Variants in OSCP1 observed in about 807,000 individuals in gnomAD.
OSCP1 encodes protein OSCP1.
Under a neutral mutation model 45.1 loss-of-function variants are expected in OSCP1, and 35 were observed. The observed-to-expected ratio is 0.78, with a 90% CI of 0.59 to 1.03. The LOEUF (loss-of-function observed/expected upper bound fraction) is 1.03. OSCP1 is among the 50% of genes least tolerant of loss of function. The pLI, the probability that OSCP1 is intolerant of heterozygous loss-of-function variation, is 0.00. For synonymous variants in OSCP1, 179 were observed against 180.1 expected (o/e 0.99, Z 0.05); for missense variants, 400 against 470.7 (o/e 0.85, Z 1.39).
chr1:36,446,966 T>C (rs552912655), intron 1 of OSCP1, among the ~76,000 whole-genome samples: 80 of 152,352 alleles, frequency 5.3e-4, no homozygotes, highest in African/African-American at 1.9e-3. Context: ...TCCTTTCTGT[T>C]GAATGCTAAA....
chr1:36,429,601 T>A (rs1361864300), intron 4 of OSCP1, among the ~76,000 whole-genome samples: 1 of 138,942 alleles, frequency 7.2e-6, no homozygotes, highest in Admixed American at 7.8e-5. Context: ...GAATCATGGA[T>A]CCACCATGGC....
At chr1:36,418,759 A>G (rs1647425560) in intron 9 of OSCP1, among the ~76,000 whole-genome samples, 1 of 107,956 alleles carries the variant, frequency 9.3e-6, no homozygotes, top group Non-Finnish European at 2.2e-5. Flanking sequence ...TCTACTAAAA[A>G]TACAAAAAAA....
In OSCP1 at chr1:36,418,262, G is replaced by T; in HGVS notation, c.1024-7C>A. On this transcript the variant is annotated splice_polypyrimidine_tract_variant and splice_region_variant and intron_variant, in intron 9 of 9. Transcript: ENST00000235532. Reference sequence around the variant, plus strand: ...CCTCGCTCCGTTGCTGGTCCTATGAGGGAAATGAGAGGTAAAAGGGCATGA... The same window carrying T: ...CCTCGCTCCGTTGCTGGTCCTATGATGGAAATGAGAGGTAAAAGGGCATGA... 1 of 1,614,032 alleles carries T rather than the reference G, an allele frequency of 6.2e-7. No homozygotes were observed. Among genetic ancestry groups the T allele is most frequent in the Non-Finnish European group, 8.5e-7 (1 of 1,179,920 alleles).
intron 4 of OSCP1, among the ~76,000 whole-genome samples, chr1:36,426,774 C>T (rs531534405): frequency 1.3e-5 from 2 of 152,278 alleles, no homozygotes; most frequent in South Asian, 2.1e-4. Flanking sequence ...GGTGCGATCT[C>T]GGCTCACTGC....
chr1:36,445,652 T>C lies in OSCP1; in HGVS notation c.112+4606A>G, dbSNP rs954992697. Among the ~76,000 whole-genome samples the C allele has an allele frequency of 1.2e-4, 19 of 152,366 alleles. No homozygotes were observed. In the East Asian group the frequency reaches 1.3e-3, roughly 11 times the overall value. ...TATTGGGAAAGCAGCACCAAAAGTT[T>C]GGCAGATACTGTTTTCTTTGGCACA... is the stretch of plus-strand genomic sequence containing the variant. On this transcript the variant is annotated intron_variant, in intron 1 of 9. Coordinates refer to ENST00000235532, the MANE Select transcript of OSCP1 (RefSeq NM_145047.5).
At chr1:36,438,953 C>G in intron 1 of OSCP1, 43 bp from the exon 2 acceptor site, 6 of 1,593,358 alleles carry the variant, frequency 3.8e-6, no homozygotes, top group Middle Eastern at 3.3e-4. Context: ...AGTACTGAAG[C>G]AAGCCTATCC....
At chr1:36,429,263 T>C (rs1648183606) in intron 4 of OSCP1, among the ~76,000 whole-genome samples, 1 of 152,038 alleles carries the variant, frequency 6.6e-6, no homozygotes, top group South Asian at 2.1e-4. Flanking sequence ...GGCATGCTCC[T>C]GTAGTCCCAG....
In OSCP1 at chr1:36,418,124, G is replaced by T. The variant is rs774177746; in HGVS notation, c.*15C>A. 6 of 1,610,710 alleles carry T rather than the reference G, an allele frequency of 3.7e-6. No individual in the cohort carries two copies. Among genetic ancestry groups the T allele is most frequent in the Non-Finnish European group, 5.1e-6 (6 of 1,177,218 alleles). On this transcript the variant is annotated 3_prime_UTR_variant, in exon 10 of 10. Transcript: ENST00000235532. ...CAGCCTCTCCCTGGGGGCAGAGGAC[G>T]CCTGGTCAGAACAGCTATAACTCAT...
At chr1:36,423,335 A>C in intron 5 of OSCP1, 28 bp downstream of exon 5, 1 of 1,551,848 alleles carries the variant, frequency 6.4e-7, no homozygotes, top group Non-Finnish European at 8.9e-7. Flanking sequence ...CACCCCAAAC[A>C]TAGCTCTGAT....
In OSCP1 at chr1:36,443,998, G is replaced by T. The variant is rs751471217; in HGVS notation, c.113-5088C>A. 9 of 1,613,088 alleles carry T rather than the reference G, an allele frequency of 5.6e-6. No individual in the cohort carries two copies. In the East Asian group the frequency reaches 1.8e-4, roughly 32 times the overall value. On this transcript the variant is annotated intron_variant, in intron 1 of 9. Coordinates refer to ENST00000235532, the MANE Select transcript of OSCP1 (RefSeq NM_145047.5). ...ACTGAACACATGCAGCCCGGAGATA[G>T]CATACCTCGTTTTCTGTCCACCTCT...
chr1:36,423,972 G>T (rs1263077433), intron 4 of OSCP1, among the ~76,000 whole-genome samples: 1 of 151,516 alleles, frequency 6.6e-6, no homozygotes, highest in African/African-American at 2.4e-5. Flanking sequence ...TTGAGATAGG[G>T]ACTCACTTTG....
In OSCP1 at chr1:36,438,764, T is replaced by C. The variant is rs1470845360; in HGVS notation, c.259A>G (p.Met87Val). 8 of 1,610,202 alleles carry C rather than the reference T, an allele frequency of 5.0e-6. No homozygotes were observed. The East Asian group carries it at 8.9e-5, about 18-fold the overall frequency. ...ASIMKLNQAS[M>V]DKLYDLMTMA... ...GGCAGCTGTCTGCTCACCTTATCCATGCTGGCCTGGTTCAGTTTCATAATG... is the reference window on the plus strand; with the variant it reads ...GGCAGCTGTCTGCTCACCTTATCCACGCTGGCCTGGTTCAGTTTCATAATG... Residue 87 changes from methionine (M) to valine (V), a missense_variant, in exon 2 of 10, where the codon ATG (methionine) becomes GTG (valine). Transcript: ENST00000235532.
At chr1:36,420,066 C>T (rs1409176256) in intron 8 of OSCP1, among the ~76,000 whole-genome samples, 6 of 151,578 alleles carry the variant, frequency 4.0e-5, no homozygotes, top group African/African-American at 1.2e-4. Flanking sequence ...ACCTCTGCCT[C>T]CCGGGTTCAA....
Position 36,429,535 on chromosome 1 carries a change from A to ATTTTTTTTTTTTTTTTTTTTTTTTTTTT in OSCP1, c.516+2266_516+2267insAAAAAAAAAAAAAAAAAAAAAAAAAAAA, listed in dbSNP as rs200043573. 3.0e-5 allele frequency among the ~76,000 whole-genome samples: 3 copies of ATTTTTTTTTTTTTTTTTTTTTTTTTTTT among 100,320 alleles called. 1 individual carries two copies. Among genetic ancestry groups the ATTTTTTTTTTTTTTTTTTTTTTTTTTTT allele is most frequent in the African/African-American group, 1.3e-4 (3 of 23,906 alleles). 65.8% of individuals were successfully genotyped at this position (100,320 alleles called of 152,430 possible). On this transcript the variant is annotated intron_variant, in intron 4 of 9. Transcript: ENST00000235532. ...CACATTCAAAATTCAGAAGCTTAGA[A>ATTTTTTTTTTTTTTTTTTTTTTTTTTTT]TTTTTTTTTTTTTTTTTTTTTTTTT...
At chr1:36,439,831 C>T (rs1459377478) in intron 1 of OSCP1, among the ~76,000 whole-genome samples, 1 of 152,182 alleles carries the variant, frequency 6.6e-6, no homozygotes, top group Non-Finnish European at 1.5e-5. Context: ...AGTGTACAAA[C>T]TAAAGTGTCT....
chr1:36,438,642 G>A, intron 2 of OSCP1, 114 bp downstream of exon 2: 1 of 1,260,694 alleles, frequency 7.9e-7, no homozygotes, highest in Non-Finnish European at 1.1e-6. Flanking sequence ...ATTTACACAT[G>A]CCTGTTTCTT....
rs145690010 is a variant in OSCP1 at position 36,444,074 on chromosome 1, C to T, written c.113-5164G>A. The stretch of plus-strand genomic sequence containing the variant: ...AAAAAGAAAACACCAGTTCATGAAG[C>T]AAGAACATTATTTTCAAGGAGGCTT... On this transcript the variant is annotated intron_variant, in intron 1 of 9. Coordinates refer to ENST00000235532, the MANE Select transcript of OSCP1 (RefSeq NM_145047.5). 2.0e-4 allele frequency: 322 copies of T among 1,590,764 alleles called. 3 individuals are homozygous for T. In the East Asian group the frequency reaches 6.8e-3, roughly 34 times the overall value.
intron 4 of OSCP1, among the ~76,000 whole-genome samples, chr1:36,427,314 T>TTTTTTTTTTTTTA (rs1648037502): frequency 6.7e-6 from 1 of 148,296 alleles, no homozygotes. Flanking sequence ...TTTTTTTTTT[T>TTTTTTTTTTTTTA]GACACAGAGT....
intron 4 of OSCP1, among the ~76,000 whole-genome samples, chr1:36,425,010 T>G (rs1462386866): frequency 6.6e-6 from 1 of 151,446 alleles, no homozygotes; most frequent in Admixed American, 6.6e-5. Context: ...CTGTGTTTAA[T>G]AAAAATAAAA....
Sources: allele counts gnomAD v4.1 joint callset (sites outside exome capture counted in the v4.1 genomes callset), GRCh38; gene constraint gnomAD v4.1.1; transcripts MANE v1.5; gene names NCBI Gene and HGNC (gene_info 2026-07-23, HGNC 2026-07-21).